The following MDM1 variants were observed in gnomAD, a reference collection of about 807,000 sequenced individuals.
MDM1 encodes the protein Mdm1 nuclear protein.
Under a neutral mutation model 89.1 loss-of-function variants are expected in MDM1, and 61 were observed. The observed-to-expected ratio is 0.68, with a 90% CI of 0.56 to 0.85. MDM1 has a LOEUF of 0.85. Among genes scored for constraint, MDM1 ranks in the 40% least tolerant of loss-of-function variants. The pLI is 0.00. For synonymous variants in MDM1, 290 were observed against 294.1 expected, an observed-to-expected ratio of 0.99 and a Z score of 0.14; for missense variants, 820 against 846.5, an observed-to-expected ratio of 0.97 and a Z score of 0.39.
intron 3 of MDM1, chr12:68,326,276 A>C: frequency 8.2e-7 from 1 of 1,222,224 alleles, no homozygotes; most frequent in Non-Finnish European, 1.0e-6. Flanking sequence ...CTTCTTGTAC[A>C]CGATAAGAAA....
At position 68,296,901 on chromosome 12, in the gene MDM1, T is replaced by C. The variant is rs746650867; in HGVS notation, c.2062+22A>G. 1.4e-5 allele frequency: 22 copies of C among 1,550,250 alleles called. No individual in the cohort carries two copies. In the South Asian group the frequency reaches 2.2e-4, roughly 16 times the overall value. On this transcript the variant is annotated intron_variant, in intron 14 of 14. Transcript: ENST00000682720. ...TCATAGACTAGAACTCAAACTTTTA[T>C]GTTATGTGACTACTGAAATACCTTC...
chr12:68,321,300 C>G, intron 7 of MDM1, 47 bp downstream of exon 7: 1 of 1,453,150 alleles, frequency 6.9e-7, no homozygotes, highest in Non-Finnish European at 9.5e-7. Context: ...AAAGTGTTAA[C>G]AGAGGCTGAA....
chr12:68,299,000 T>C (rs1336042910), intron 13 of MDM1, among the ~76,000 whole-genome samples: 1 of 152,108 alleles, frequency 6.6e-6, no homozygotes, highest in East Asian at 1.9e-4. Context: ...GAAGCCATCA[T>C]ACAAAGACTC....
intron 5 of MDM1, among the ~76,000 whole-genome samples, chr12:68,322,592 C>T (rs1271512030): frequency 6.6e-6 from 1 of 152,118 alleles, no homozygotes; most frequent in Non-Finnish European, 1.5e-5. Flanking sequence ...CGAGATCGTG[C>T]CACTGCACTC....
chr12:68,330,873 G>A, intron 2 of MDM1: 1 of 494,636 alleles, frequency 2.0e-6, no homozygotes, highest in Non-Finnish European at 3.6e-6. Flanking sequence ...TGTGATGGAG[G>A]CCTCCATTAG....
At chr12:68,305,952 CAA>C (rs111412907) in intron 12 of MDM1, among the ~76,000 whole-genome samples, 4 of 96,356 alleles carry the variant, frequency 4.2e-5, no homozygotes, top group Non-Finnish European at 8.9e-5. Flanking sequence ...CAATCCTAAG[CAA>C]AAAAAAAAAG....
At chr12:68,328,180 G>T (rs545141215) in intron 2 of MDM1, among the ~76,000 whole-genome samples, 16 of 152,324 alleles carry the variant, frequency 1.1e-4, no homozygotes, top group African/African-American at 3.8e-4. Flanking sequence ...ATCCCTGAGG[G>T]AGAATATTTG....
In MDM1 at chr12:68,301,976, G is replaced by T. The variant is rs557797790; in HGVS notation, c.2002+644C>A. ...TTACAAACATGAGCCACTGTGCCTG[G>T]CCAGGAGAGGAAATTTTTGACTGAA... On this transcript the variant is annotated intron_variant, in intron 13 of 14. Coordinates refer to ENST00000682720, the MANE Select transcript of MDM1 (RefSeq NM_001354969.2). 5.3e-5 allele frequency among the ~76,000 whole-genome samples: 8 copies of T among 152,212 alleles called. No homozygotes were observed. In the South Asian group the frequency reaches 1.0e-3, roughly 20 times the overall value.
intron 1 of MDM1, 78 bp downstream of exon 1, chr12:68,332,150 A>G: frequency 6.7e-7 from 1 of 1,502,436 alleles, no homozygotes; most frequent in East Asian, 2.5e-5. Flanking sequence ...GCAGAAAAGC[A>G]GCGTGACCTC....
intron 12 of MDM1, among the ~76,000 whole-genome samples, chr12:68,310,411 A>T (rs1873520529): frequency 1.3e-5 from 2 of 152,224 alleles, no homozygotes; most frequent in African/African-American, 2.4e-5. Flanking sequence ...ACAGTAAGTG[A>T]AAATAATACA....
At chr12:68,296,877 C>T in intron 14 of MDM1, 46 bp downstream of exon 14, 1 of 1,349,334 alleles carries the variant, frequency 7.4e-7, no homozygotes, top group South Asian at 1.4e-5. Flanking sequence ...ATTATACTCT[C>T]ATAGACTAGA....
intron 12 of MDM1, among the ~76,000 whole-genome samples, chr12:68,305,965 G>GA (rs919831808): frequency 3.0e-4 from 40 of 135,136 alleles, no homozygotes; most frequent in Admixed American, 4.4e-4. Context: ...AAAAAAAAAG[G>GA]AAAAAAAAAA....
chr12:68,330,859 C>A, intron 2 of MDM1: 1 of 473,496 alleles, frequency 2.1e-6, no homozygotes, highest in South Asian at 3.3e-5. Flanking sequence ...AGTACCGAAA[C>A]AGTTGTGATG....
Position 68,325,491 on chromosome 12 carries a change from A to C in MDM1, c.583T>G (p.Phe195Val). ...ALRNSEYQRQ[F>V]VWKTSKETAP... ...GTTTCTTTAGAAGTCTTCCAAACAAACTGCCTTTGATATTCAGAATTTCTC... is the reference window on the plus strand; with the variant it reads ...GTTTCTTTAGAAGTCTTCCAAACAACCTGCCTTTGATATTCAGAATTTCTC... The change falls in exon 4 of 15, where the codon TTT becomes GTT. Residue 195 changes from phenylalanine (F) to valine (V), a missense_variant. Physicochemically the swap from Phe to Val is conservative, Grantham distance 50 (BLOSUM62 -1). Coordinates refer to ENST00000682720, the MANE Select transcript of MDM1 (RefSeq NM_001354969.2). The C allele has an allele frequency of 1.3e-6, 2 of 1,598,504 alleles. No homozygotes were observed. Among genetic ancestry groups the C allele is most frequent in the Non-Finnish European group, 1.7e-6 (2 of 1,173,328 alleles).
At chr12:68,297,309 T>C (rs908896554) in intron 13 of MDM1, among the ~76,000 whole-genome samples, 1 of 152,234 alleles carries the variant, frequency 6.6e-6, no homozygotes, top group Non-Finnish European at 1.5e-5. Flanking sequence ...TGATTAGAGA[T>C]GGTAAATTAA....
chr12:68,326,876 T>C lies in MDM1; in HGVS notation c.279A>G (p.Lys93=), dbSNP rs1408319164. Residue 93 remains lysine (K), a synonymous_variant, in exon 3 of 15, where the codon AAA becomes AAG. Coordinates refer to ENST00000682720, the MANE Select transcript of MDM1 (RefSeq NM_001354969.2). ...SPEPEAPETP[K]SQEAEQKDVT... The stretch of plus-strand genomic sequence containing the variant: ...CATCCTTTTGTTCTGCTTCTTGTGA[T>C]TTTGGTGTTTCCGGGGCTTCTGGTT... 1 of 1,613,654 alleles carries C rather than the reference T, an allele frequency of 6.2e-7. No individual in the cohort carries two copies. Among genetic ancestry groups the C allele is most frequent in the East Asian group, 2.2e-5 (1 of 44,866 alleles).
At chr12:68,327,402 G>A in intron 2 of MDM1, 8 of 1,535,678 alleles carry the variant, frequency 5.2e-6, no homozygotes, top group Non-Finnish European at 1.7e-6. Context: ...CCCTGGTACT[G>A]TCAAAATTTG....
chr12:68,326,125 A>G (rs1424132568), intron 3 of MDM1: 2 of 1,011,290 alleles, frequency 2.0e-6, no homozygotes, highest in Non-Finnish European at 2.4e-6. Flanking sequence ...TCCCCACACA[A>G]GTTCCTGCAG....
intron 2 of MDM1, chr12:68,327,449 C>G (rs1413072938): frequency 6.5e-7 from 1 of 1,535,678 alleles, no homozygotes; most frequent in Non-Finnish European, 8.7e-7. Context: ...TGGAGCAGAC[C>G]AAGATGAGAA....
Sources: gnomAD v4.1 joint callset for allele counts (sites outside exome capture counted in the v4.1 genomes callset) on GRCh38, gnomAD v4.1.1 for gene constraint, MANE v1.5 for transcripts, NCBI Gene and HGNC (gene_info 2026-07-23, HGNC 2026-07-21) for gene names.